PRKCB: variants seen among roughly 807,000 people sequenced by gnomAD.
The protein encoded by PRKCB is protein kinase C beta type.
In PRKCB, 13 loss-of-function variants were observed where a neutral mutation model predicts 81.5. The ratio of observed to expected loss-of-function variants is 0.16; its 90% CI spans 0.10 to 0.25. The LOEUF is 0.25. Among genes scored for constraint, PRKCB ranks in the 10% least tolerant of loss-of-function variants. The probability of loss-of-function intolerance (pLI) is 1.00; values close to 1 mark genes in which losing one functional copy is unlikely to be tolerated. For synonymous variants in PRKCB, 335 were observed against 321.4 expected (o/e 1.04, Z -0.45); for missense variants, 509 against 875.7 (o/e 0.58, Z 5.29).
chr16:24,112,739 A>AT (rs959091271), intron 7 of PRKCB, among the ~76,000 whole-genome samples: 47 of 151,868 alleles, frequency 3.1e-4, no homozygotes, highest in African/African-American at 1.1e-3. Context: ...TGTGATATAC[A>AT]TTTTTTTTCT....
intron 2 of PRKCB, among the ~76,000 whole-genome samples, chr16:23,881,323 G>A (rs1361939116): frequency 6.6e-6 from 1 of 150,762 alleles, no homozygotes; most frequent in Admixed American, 6.6e-5. Context: ...CGCGGTCTTG[G>A]TTCACTGCTA....
rs576328188 is a variant in PRKCB at position 24,153,856 on chromosome 16, G to A, written c.1066-828G>A. Among the ~76,000 whole-genome samples, 12 of 152,276 alleles carry A rather than the reference G, an allele frequency of 7.9e-5. No individual in the cohort carries two copies. The South Asian group carries it at 2.1e-3, about 26-fold the overall frequency. On this transcript the variant is annotated intron_variant, in intron 9 of 16. Transcript: ENST00000643927. ...TCTCTGGAGTTAAGGGTCAGAGAAC[G>A]TGCTTGTTTCTTTATTGCTGTATCC...
At chr16:24,088,372 G>A (rs941720255) in intron 5 of PRKCB, among the ~76,000 whole-genome samples, 19 of 152,158 alleles carry the variant, frequency 1.2e-4, no homozygotes, top group Non-Finnish European at 2.4e-4. Context: ...CTATAAAGGT[G>A]AGGGAAGAGT....
rs1967685529 is a variant in PRKCB at position 24,185,247 on chromosome 16, G to T, written c.1614+56G>T. On this transcript the variant is annotated intron_variant, in intron 14 of 16. Transcript: ENST00000643927. ...AGTCCTCCCTACCCCCATCCACATG[G>T]TTTCTTTAGGAGAATGCATGTTTGG... The T allele has an allele frequency of 2.0e-6, 3 of 1,500,706 alleles. No homozygotes were observed. The African/African-American group carries it at 4.2e-5, about 21-fold the overall frequency. 93.0% of individuals were successfully genotyped at this position (1,500,706 alleles called of 1,614,324 possible). A position where few individuals can be genotyped will look rare whatever the true frequency, so the allele number is the denominator to read the frequency against.
At chr16:23,954,353 A>G (rs555788552) in intron 2 of PRKCB, among the ~76,000 whole-genome samples, 2 of 152,258 alleles carry the variant, frequency 1.3e-5, no homozygotes, top group East Asian at 3.9e-4. Flanking sequence ...GAGCTCTGTT[A>G]GTTTCATAAG....
chr16:23,984,541 A>G lies in PRKCB; in HGVS notation c.206-3967A>G, dbSNP rs190917361. ...CTAAAACCAGGTAGAGTTGATAAATATAATCATAATCTGCTTCTTTAACAT... is the reference window on the plus strand; with the variant it reads ...CTAAAACCAGGTAGAGTTGATAAATGTAATCATAATCTGCTTCTTTAACAT... On this transcript the variant is annotated intron_variant, in intron 2 of 16. Transcript: ENST00000643927. 8.5e-5 allele frequency among the ~76,000 whole-genome samples: 13 copies of G among 152,366 alleles called. No individual in the cohort carries two copies. In the East Asian group the frequency reaches 2.3e-3, roughly 27 times the overall value.
Position 24,143,586 on chromosome 16 carries a change from T to G in PRKCB, c.1066-11098T>G, listed in dbSNP as rs539253114. 2.0e-5 allele frequency among the ~76,000 whole-genome samples: 3 copies of G among 152,210 alleles called. No individual in the cohort carries two copies. In the East Asian group the frequency reaches 5.8e-4, roughly 29 times the overall value. ...ATGGGAGAGGGAACTAGGGATCGTG[T>G]GATCCCCTGGAGGCCTACAGTATAT... On this transcript the variant is annotated intron_variant, in intron 9 of 16. Coordinates refer to ENST00000643927, the MANE Select transcript of PRKCB (RefSeq NM_002738.7).
At chr16:23,949,993 G>A (rs1430901029) in intron 2 of PRKCB, among the ~76,000 whole-genome samples, 1 of 152,144 alleles carries the variant, frequency 6.6e-6, no homozygotes, top group Non-Finnish European at 1.5e-5. Context: ...CCTGGGCCCA[G>A]AGACCACCTC....
chr16:24,061,804 T>C, intron 5 of PRKCB, among the ~76,000 whole-genome samples: 1 of 151,516 alleles, frequency 6.6e-6, no homozygotes, highest in Non-Finnish European at 1.5e-5. Flanking sequence ...CTGGGCAATT[T>C]GTTAAAAAAG....
chr16:24,102,545 A>G (rs1966522135), intron 7 of PRKCB, among the ~76,000 whole-genome samples: 4 of 152,238 alleles, frequency 2.6e-5, no homozygotes, highest in Admixed American at 2.0e-4. Flanking sequence ...TGGCAGAAAC[A>G]GCAGATGCAG....
At chr16:23,937,935 G>A (rs1180747810) in intron 2 of PRKCB, among the ~76,000 whole-genome samples, 5 of 152,180 alleles carry the variant, frequency 3.3e-5, no homozygotes, top group Non-Finnish European at 5.9e-5. Context: ...AGAAGAGACC[G>A]AAGGAACTAG....
chr16:23,863,785 C>T (rs1450122332), intron 2 of PRKCB, among the ~76,000 whole-genome samples: 1 of 152,080 alleles, frequency 6.6e-6, no homozygotes, highest in African/African-American at 2.4e-5. Flanking sequence ...ATGTTCCAGG[C>T]AGAGTTTTGG....
intron 5 of PRKCB, among the ~76,000 whole-genome samples, chr16:24,091,728 G>A (rs144547095): frequency 1.1e-4 from 17 of 152,094 alleles, no homozygotes; most frequent in Middle Eastern, 3.4e-3. Flanking sequence ...CTCCTGCCTG[G>A]GCCTCCCAAG....
chr16:24,029,500 C>T (rs1311523661), intron 3 of PRKCB, among the ~76,000 whole-genome samples: 1 of 152,118 alleles, frequency 6.6e-6, no homozygotes, highest in Admixed American at 6.5e-5. Context: ...CTTGAGGCCT[C>T]CTCGTCCTCA....
At chr16:24,076,472 C>T (rs1596538331) in intron 5 of PRKCB, among the ~76,000 whole-genome samples, 2 of 152,120 alleles carry the variant, frequency 1.3e-5, no homozygotes, top group African/African-American at 4.8e-5. Context: ...GGGAGAAAGA[C>T]GAGACAGAAG....
chr16:23,868,592 TG>T (rs1293011731), intron 2 of PRKCB, among the ~76,000 whole-genome samples: 1 of 152,236 alleles, frequency 6.6e-6, no homozygotes, highest in Non-Finnish European at 1.5e-5. Context: ...AACAAGTAAA[TG>T]GCAGAGCCAT....
chr16:24,063,146 T>A (rs1300544654), intron 5 of PRKCB, among the ~76,000 whole-genome samples: 1 of 152,092 alleles, frequency 6.6e-6, no homozygotes, highest in Non-Finnish European at 1.5e-5. Flanking sequence ...GGGGTAGCAA[T>A]GACATCTCAA....
intron 5 of PRKCB, among the ~76,000 whole-genome samples, chr16:24,047,367 A>G (rs1004824222): frequency 2.6e-5 from 4 of 151,868 alleles, no homozygotes; most frequent in Non-Finnish European, 5.9e-5. Context: ...AAAATAAAAT[A>G]AAATAAAATA....
intron 5 of PRKCB, among the ~76,000 whole-genome samples, chr16:24,036,636 T>C (rs553422739): frequency 5.0e-4 from 76 of 152,268 alleles, no homozygotes; most frequent in Non-Finnish European, 9.0e-4. Context: ...CCCTGTACAA[T>C]ATAATTCTTT....
Sources: gnomAD v4.1 joint callset for allele counts (sites outside exome capture counted in the v4.1 genomes callset) on GRCh38, gnomAD v4.1.1 for gene constraint, MANE v1.5 for transcripts, NCBI Gene and HGNC (gene_info 2026-07-23, HGNC 2026-07-21) for gene names.